The following COL6A1 variants were observed in gnomAD, a reference collection of about 807,000 sequenced individuals.
The protein encoded by COL6A1 is collagen type VI alpha 1 chain, also known as collagen alpha-1(VI) chain.
In COL6A1, 80 loss-of-function variants were observed where a neutral mutation model predicts 145.6. That is an observed-to-expected ratio of 0.55 (90% CI 0.46 to 0.66). The LOEUF (loss-of-function observed/expected upper bound fraction) is 0.66. Ranked by LOEUF, COL6A1 falls within the 30% of genes least tolerant of loss-of-function variation. The pLI, the probability that COL6A1 is intolerant of heterozygous loss-of-function variation, is 0.00. For synonymous variants in COL6A1, 638 were observed against 622.8 expected (o/e 1.02, Z -0.36); for missense variants, 1,364 against 1,473.8 (o/e 0.93, Z 1.22).
rs766478019 is a variant in COL6A1, at chr21:45,999,661, C to T, written c.1745C>T (p.Pro582Leu). 3.1e-6 allele frequency: 5 copies of T among 1,613,470 alleles called. No homozygotes were observed. Among genetic ancestry groups the T allele is most frequent in the Non-Finnish European group, 2.5e-6 (3 of 1,179,924 alleles). The change falls in exon 27 of 35, where the codon CCC (proline) becomes CTC (leucine). Residue 582 changes from proline to leucine, a missense_variant. Coordinates refer to ENST00000361866, the MANE Select transcript of COL6A1 (RefSeq NM_001848.3). Reference sequence around the variant, plus strand: ...TCTACTCCGTTTCTCGGACAGGGACCCCCAGGACACCAAGGACCGCCTGGG... The same window carrying T: ...TCTACTCCGTTTCTCGGACAGGGACTCCCAGGACACCAAGGACCGCCTGGG... ...GYRGPEGPQG[P>L]PGHQGPPGPD...
rs551170144 is a variant in COL6A1 at position 45,981,997 on chromosome 21, C to T, written c.97+50C>T. On this transcript the variant is annotated intron_variant, in intron 1 of 34. Coordinates refer to ENST00000361866, the MANE Select transcript of COL6A1 (RefSeq NM_001848.3). ...CTCCAGACCCCCCGCTCTTTGCTGC[C>T]GGCCAGGGCCAGATGCGCGGGGTCC... The T allele has an allele frequency of 2.8e-6, 4 of 1,446,296 alleles. No homozygotes were observed. In the African/African-American group the frequency reaches 4.2e-5, roughly 15 times the overall value. 89.6% of individuals were successfully genotyped at this position (1,446,296 alleles called of 1,614,324 possible). A position where few individuals can be genotyped will look rare whatever the true frequency, so the allele number is the denominator to read the frequency against.
intron 8 of COL6A1, among the ~76,000 whole-genome samples, chr21:45,988,437 GGACGGCGGGGTCCA>G (rs2077755347): frequency 7.0e-6 from 1 of 143,112 alleles, no homozygotes; most frequent in African/African-American, 2.6e-5. Flanking sequence ...CAGATGGAGG[GGACGGCGGGGTCCA>G]GATGGAGGGG....
Position 45,984,129 on chromosome 21 carries a change from G to C in COL6A1, c.228-140G>C, listed in dbSNP as rs3746992. ...GCCTTCCAGGAGGGCCGGCCTCAGGGCCACAGGGCAAGTCCAGCTGTGTGT... is the reference window on the plus strand; with the variant it reads ...GCCTTCCAGGAGGGCCGGCCTCAGGCCCACAGGGCAAGTCCAGCTGTGTGT... On this transcript the variant is annotated intron_variant, in intron 2 of 34. Transcript: ENST00000361866. 113,819 of 890,162 alleles carry C rather than the reference G, an allele frequency of 0.13. 11,029 individuals are homozygous for C. The highest frequency in any genetic ancestry group is 0.42 in the African/African-American group (25,172 of 60,640). The allele number at this position is 890,162 out of a possible 1,614,324, so 55.1% of individuals were successfully genotyped here.
intron 3 of COL6A1, 101 bp downstream of exon 3, chr21:45,984,570 T>G: frequency 8.8e-7 from 1 of 1,139,038 alleles, no homozygotes; most frequent in Non-Finnish European, 1.3e-6. Flanking sequence ...AGCTGCAGCC[T>G]CCCTGTTCTC....
chr21:45,998,539 C>A, intron 24 of COL6A1, 106 bp downstream of exon 24: 3 of 1,492,394 alleles, frequency 2.0e-6, no homozygotes, highest in Non-Finnish European at 2.8e-6. Context: ...CGAGCAAACA[C>A]ACGGGGTACA....
At chr21:45,995,940 C>T (rs1390986654) in intron 20 of COL6A1, among the ~76,000 whole-genome samples, 19 of 152,216 alleles carry the variant, frequency 1.2e-4, no homozygotes, top group Admixed American at 1.2e-3. Context: ...CCGGGCTTTC[C>T]CTGCTCCCAG....
At chr21:45,997,799 C>G (rs765218768) in intron 22 of COL6A1, 37 bp downstream of exon 22, 1 of 1,555,238 alleles carries the variant, frequency 6.4e-7, no homozygotes, top group South Asian at 1.2e-5. Context: ...GGGCGGAGGC[C>G]TGGCCGCCAG....
At chr21:45,995,781 A>G (rs2077801487) in intron 20 of COL6A1, among the ~76,000 whole-genome samples, 1 of 152,192 alleles carries the variant, frequency 6.6e-6, no homozygotes, top group Admixed American at 6.5e-5. Context: ...AGACCAGGGC[A>G]CCATGTGACC....
At chr21:45,998,028 G>T in intron 22 of COL6A1, 93 bp from the exon 23 acceptor site, 1 of 1,486,892 alleles carries the variant, frequency 6.7e-7, no homozygotes, top group Non-Finnish European at 9.2e-7. Flanking sequence ...TGACGGAGGG[G>T]CCCTGCGGGT....
At chr21:45,999,285 G>C in intron 26 of COL6A1, 67 bp downstream of exon 26, 1 of 1,439,018 alleles carries the variant, frequency 6.9e-7, no homozygotes, top group Non-Finnish European at 9.6e-7. Context: ...TGGGGCTGGG[G>C]AATGCTGGAA....
chr21:46,000,928 G>A, intron 29 of COL6A1, 161 bp downstream of exon 29: 1 of 933,306 alleles, frequency 1.1e-6, no homozygotes, highest in Non-Finnish European at 1.7e-6. Flanking sequence ...AGCCAGCAGG[G>A]TTCCCGGGTG....
Position 45,998,181 on chromosome 21 carries a change from C to T in COL6A1, c.1575+10C>T, listed in dbSNP as rs781647234. ...CTTCCCCGGCTTCCCCGTAAGTGTC[C>T]GGAGGCTGAGCCCACAGGAACATGC... On this transcript the variant is annotated intron_variant, in intron 23 of 34. Transcript: ENST00000361866. 3 of 1,611,342 alleles carry T rather than the reference C, an allele frequency of 1.9e-6. No individual in the cohort carries two copies. Among genetic ancestry groups the T allele is most frequent in the South Asian group, 1.1e-5 (1 of 90,748 alleles).
Position 45,999,794 on chromosome 21 carries a change from G to GA in COL6A1, c.1776+102_1776+103insA, listed in dbSNP as rs940577889. On this transcript the variant is annotated intron_variant, in intron 27 of 34. Transcript: ENST00000361866. ...GGTGCTCCTGTAGACGCTGCTCACG[G>GA]GGGGGTGGGTTGTGGACAAAGAGCT... is the stretch of plus-strand genomic sequence containing the variant. The GA allele has an allele frequency of 8.5e-5, 83 of 973,518 alleles. 7 individuals carry two copies. The highest frequency in any genetic ancestry group is 1.1e-4 in the Non-Finnish European group (72 of 654,096). 60.3% of individuals were successfully genotyped at this position (973,518 alleles called of 1,614,324 possible). A position where few individuals can be genotyped will look rare whatever the true frequency, so the allele number is the denominator to read the frequency against.
intron 19 of COL6A1, 127 bp downstream of exon 19, chr21:45,992,937 C>T (rs931349235): frequency 5.0e-6 from 4 of 794,264 alleles, no homozygotes; most frequent in African/African-American, 1.7e-5. Context: ...GTGGCCAGCC[C>T]ATCCCCACGC....
At chr21:46,001,527 C>A in intron 30 of COL6A1, 141 bp downstream of exon 30, 1 of 1,183,426 alleles carries the variant, frequency 8.5e-7, no homozygotes, top group East Asian at 2.4e-5. Flanking sequence ...GGATGCCAGG[C>A]ACGCGCCAGC....
chr21:45,997,379 G>A, intron 20 of COL6A1, 42 bp from the exon 21 acceptor site: 1 of 1,591,526 alleles, frequency 6.3e-7, no homozygotes, highest in South Asian at 1.1e-5. Flanking sequence ...CTCAGGCTGG[G>A]TGAGGCCTGT....
chr21:45,994,603 A>G lies in COL6A1; in HGVS notation c.1398+374A>G, dbSNP rs982974271. Among the ~76,000 whole-genome samples, 2 of 152,160 alleles carry G rather than the reference A, an allele frequency of 1.3e-5. No individual in the cohort carries two copies. The highest frequency in any genetic ancestry group is 2.1e-4 in the South Asian group (1 of 4,826). On this transcript the variant is annotated intron_variant, in intron 20 of 34. Coordinates refer to ENST00000361866, the MANE Select transcript of COL6A1 (RefSeq NM_001848.3). This position sits in a 1 kb window ranked among gnomAD's most constrained non-coding sequence, Gnocchi z 6.8. ...TGTTTTTCTGGGTCAGGAGCCAGGCATGACTGTGGCTGGAGGTCAACTGGG... is the reference window on the plus strand; with the variant it reads ...TGTTTTTCTGGGTCAGGAGCCAGGCGTGACTGTGGCTGGAGGTCAACTGGG...
At chr21:45,988,962 G>A in intron 8 of COL6A1, 122 bp from the exon 9 acceptor site, 3 of 1,137,060 alleles carry the variant, frequency 2.6e-6, no homozygotes, top group East Asian at 5.0e-5. Flanking sequence ...TGATGGGGAA[G>A]GTGCTTTAAA....
chr21:45,999,320 G>T (rs968154795), intron 26 of COL6A1, 102 bp downstream of exon 26: 2 of 1,224,340 alleles, frequency 1.6e-6, no homozygotes, highest in African/African-American at 1.5e-5. Context: ...GGGAGGCGGC[G>T]GGAGGGAATT....
Sources: allele counts gnomAD v4.1 joint callset (sites outside exome capture counted in the v4.1 genomes callset), GRCh38; gene constraint gnomAD v4.1.1; non-coding constraint Gnocchi (gnomAD v3.1); transcripts MANE v1.5; gene names NCBI Gene and HGNC (gene_info 2026-07-23, HGNC 2026-07-21).